Variants in GABRG3 observed in about 807,000 individuals in gnomAD.
The protein encoded by GABRG3 is gamma-aminobutyric acid receptor subunit gamma-3.
A neutral mutation model predicts 48.8 loss-of-function variants in GABRG3; 25 were observed. The ratio of observed to expected loss-of-function variants is 0.51; its 90% CI spans 0.37 to 0.72. The LOEUF (loss-of-function observed/expected upper bound fraction) is 0.72, where lower values mean the gene tolerates loss of function less well. Ranked by LOEUF, GABRG3 falls within the 30% of genes least tolerant of loss-of-function variation. The pLI is 0.00. For missense variants in GABRG3, 394 were observed against 577.9 expected, an observed-to-expected ratio of 0.68 and a Z score of 3.26; for synonymous variants, 227 against 217.6, an observed-to-expected ratio of 1.04 and a Z score of -0.38.
chr15:27,402,467 C>CA (rs1887502055), intron 5 of GABRG3, among the ~76,000 whole-genome samples: 1 of 152,134 alleles, frequency 6.6e-6, no homozygotes, highest in Admixed American at 6.5e-5. Context: ...AATCTAAGGA[C>CA]AAAATGAGCC....
intron 3 of GABRG3, among the ~76,000 whole-genome samples, chr15:27,299,394 G>T (rs2140491724): frequency 6.6e-6 from 1 of 152,300 alleles, no homozygotes; most frequent in Non-Finnish European, 1.5e-5. Context: ...GATTGCTGAA[G>T]AACACCAGAA....
intron 3 of GABRG3, among the ~76,000 whole-genome samples, chr15:27,299,761 C>T (rs1892131116): frequency 1.3e-5 from 2 of 152,138 alleles, no homozygotes; most frequent in South Asian, 4.1e-4. Context: ...TGGCTTTTCT[C>T]TCTGCGTCTT....
At chr15:27,067,313 G>A (rs1205634466) in intron 3 of GABRG3, among the ~76,000 whole-genome samples, 1 of 152,178 alleles carries the variant, frequency 6.6e-6, no homozygotes, top group Admixed American at 6.5e-5. Context: ...AGCTGGCGGG[G>A]CAGGGCTAGG....
intron 3 of GABRG3, among the ~76,000 whole-genome samples, chr15:27,307,364 CAT>C (rs575765782): frequency 0.31 from 7,742 of 25,306 alleles, 1,512 homozygotes; most frequent in African/African-American, 0.39. Context: ...TATATATAAC[CAT>C]ATAGGTTTAT....
intron 5 of GABRG3, among the ~76,000 whole-genome samples, chr15:27,331,147 G>A (rs1893789527): frequency 6.6e-6 from 1 of 152,168 alleles, no homozygotes; most frequent in South Asian, 2.1e-4. Context: ...CTGGGGGGAT[G>A]CACAGTGTCA....
intron 5 of GABRG3, among the ~76,000 whole-genome samples, chr15:27,427,298 C>A (rs1888321911): frequency 6.6e-6 from 1 of 152,152 alleles, no homozygotes; most frequent in African/African-American, 2.4e-5. Flanking sequence ...TATATATTTT[C>A]CAGTCCATTT....
intron 2 of GABRG3, among the ~76,000 whole-genome samples, chr15:26,995,432 C>T (rs896902768): frequency 5.3e-5 from 8 of 151,894 alleles, no homozygotes; most frequent in Non-Finnish European, 8.8e-5. Flanking sequence ...ATTGTTTAAT[C>T]AATTTATCTT....
rs1894959285 is a variant in GABRG3 at position 26,976,888 on chromosome 15, T to C, written c.54-114T>C. 1 of 974,746 alleles carries C rather than the reference T, an allele frequency of 1.0e-6. No homozygotes were observed. The highest frequency in any genetic ancestry group is 1.6e-6 in the Non-Finnish European group (1 of 638,070). 60.4% of individuals were successfully genotyped at this position (974,746 alleles called of 1,614,324 possible). On this transcript the variant is annotated intron_variant, in intron 1 of 9. Transcript: ENST00000615808. This position sits in a 1 kb window ranked among gnomAD's most constrained non-coding sequence, Gnocchi z 7.8. ...CGGGTTTTCACGTGTGTGGTTGGGC[T>C]GTGGGTACTGGGGACTTTCTACCCA...
chr15:27,104,852 G>A (rs1455829044), intron 3 of GABRG3, among the ~76,000 whole-genome samples: 3 of 152,166 alleles, frequency 2.0e-5, no homozygotes, highest in Non-Finnish European at 2.9e-5. Context: ...CCTTTTAAAA[G>A]AATTGAGAGA....
chr15:26,979,474 G>C (rs1190906486), intron 2 of GABRG3, among the ~76,000 whole-genome samples: 1 of 152,018 alleles, frequency 6.6e-6, no homozygotes, highest in Non-Finnish European at 1.5e-5. Context: ...ATATTAGCTG[G>C]AGGTATTTTG....
chr15:27,479,771 T>C (rs144753391), intron 5 of GABRG3, among the ~76,000 whole-genome samples: 4 of 152,310 alleles, frequency 2.6e-5, no homozygotes, highest in Non-Finnish European at 5.9e-5. Context: ...AGACCTGTTC[T>C]TGAGAGTAGG....
chr15:27,363,292 G>T (rs1895083206), intron 5 of GABRG3: 1 of 152,204 alleles, frequency 6.6e-6, no homozygotes, highest in Non-Finnish European at 1.5e-5. Context: ...TAAGGGGTCA[G>T]AAATGGGGAA....
At chr15:27,428,880 C>T (rs1888369178) in intron 5 of GABRG3, among the ~76,000 whole-genome samples, 1 of 152,148 alleles carries the variant, frequency 6.6e-6, no homozygotes, top group Non-Finnish European at 1.5e-5. Context: ...AAATGGATTT[C>T]CTATAACTAA....
At chr15:27,106,055 A>G (rs1897444123) in intron 3 of GABRG3, among the ~76,000 whole-genome samples, 1 of 152,104 alleles carries the variant, frequency 6.6e-6, no homozygotes, top group Non-Finnish European at 1.5e-5. Flanking sequence ...GATCTCACTT[A>G]TATATGCAAT....
At chr15:27,149,714 C>G (rs1898275113) in intron 3 of GABRG3, among the ~76,000 whole-genome samples, 1 of 152,154 alleles carries the variant, frequency 6.6e-6, no homozygotes, top group Admixed American at 6.5e-5. Context: ...CTCAGATTCT[C>G]TCGTAGAACC....
At chr15:27,252,510 C>T (rs1358247301) in intron 3 of GABRG3, among the ~76,000 whole-genome samples, 2 of 152,206 alleles carry the variant, frequency 1.3e-5, no homozygotes, top group African/African-American at 2.4e-5. Flanking sequence ...ATGATGCATC[C>T]GCCCCACCCC....
At chr15:27,270,714 T>C (rs1219312500) in intron 3 of GABRG3, among the ~76,000 whole-genome samples, 1 of 151,886 alleles carries the variant, frequency 6.6e-6, no homozygotes, top group South Asian at 2.1e-4. Context: ...ATTTCAAGAG[T>C]GTTAGAGATG....
Position 27,457,223 on chromosome 15 carries a change from G to A in GABRG3, c.575-23427G>A, listed in dbSNP as rs1471314914. ...AGGCTGCAAGAACTGCCCACGCTCC[G>A]ACAGATGTACAGTGCAGGGCCGGCG... On this transcript the variant is annotated intron_variant, in intron 5 of 9. Coordinates refer to ENST00000615808, the MANE Select transcript of GABRG3 (RefSeq NM_033223.5). This position sits in a 1 kb window ranked among gnomAD's most constrained non-coding sequence, Gnocchi z 4.4. Among the ~76,000 whole-genome samples the A allele has an allele frequency of 1.3e-5, 2 of 152,182 alleles. No homozygotes were observed. The highest frequency in any genetic ancestry group is 1.9e-4 in the East Asian group (1 of 5,180).
chr15:27,243,391 G>C (rs551954364), intron 3 of GABRG3, among the ~76,000 whole-genome samples: 1 of 152,190 alleles, frequency 6.6e-6, no homozygotes, highest in East Asian at 1.9e-4. Flanking sequence ...TGTAGGCAGG[G>C]GATGGGGAAG....
Sources: allele counts gnomAD v4.1 joint callset (sites outside exome capture counted in the v4.1 genomes callset), GRCh38; gene constraint gnomAD v4.1.1; non-coding constraint Gnocchi (gnomAD v3.1); transcripts MANE v1.5; gene names NCBI Gene and HGNC (gene_info 2026-07-23, HGNC 2026-07-21).